HLA-DPB1: variants seen among roughly 807,000 people sequenced by gnomAD.
HLA-DPB1 encodes major histocompatibility complex, class II, DP beta 1.
In HLA-DPB1, 30 loss-of-function variants were observed where a neutral mutation model predicts 29.4. The ratio of observed to expected loss-of-function variants is 1.02; its 90% CI spans 0.76 to 1.38. The LOEUF is 1.38. Ranked by LOEUF, HLA-DPB1 falls within the 40% of genes most tolerant of loss-of-function variation. HLA-DPB1 has a pLI of 0.00. For missense variants in HLA-DPB1, 261 were observed against 327.5 expected (o/e 0.80, Z 1.57); for synonymous variants, 114 against 134.0 (o/e 0.85, Z 1.03).
intron 5 of HLA-DPB1, 74 bp downstream of exon 5, chr6:33,086,316 C>A: frequency 8.9e-7 from 1 of 1,120,482 alleles, no homozygotes. Context: ...CATTGTAACA[C>A]TGAGGCTCCT....
intron 1 of HLA-DPB1, among the ~76,000 whole-genome samples, chr6:33,078,052 G>A (rs879789952): frequency 5.9e-5 from 9 of 152,044 alleles, no homozygotes; most frequent in African/African-American, 1.2e-4. Context: ...AGGAAGTGAC[G>A]GATGCAGCGC....
At chr6:33,077,673 T>C (rs1019444452) in intron 1 of HLA-DPB1, among the ~76,000 whole-genome samples, 6 of 152,200 alleles carry the variant, frequency 3.9e-5, no homozygotes, top group East Asian at 1.9e-4. Context: ...ACCAACACTC[T>C]GAGAGGAAGG....
chr6:33,080,340 TCCCAGTGAC>T lies in HLA-DPB1; in HGVS notation c.101-327_101-319del. 1.9e-6 allele frequency: 1 copy of T among 513,386 alleles called. No homozygotes were observed. Among genetic ancestry groups the T allele is most frequent in the Admixed American group, 2.5e-5 (1 of 39,870 alleles). 31.8% of individuals were successfully genotyped at this position (513,386 alleles called of 1,614,324 possible). A position where few individuals can be genotyped will look rare whatever the true frequency, so the allele number is the denominator to read the frequency against. ...CAGCTCCTCCCGCCCCTGTTTTTTCTCCCAGTGACCCCACGTGAAACGTCTCCGCCTCCT... is the reference window on the plus strand; with the variant it reads ...CAGCTCCTCCCGCCCCTGTTTTTTCTCCCACGTGAAACGTCTCCGCCTCCT... On this transcript the variant is annotated intron_variant, in intron 1 of 5. Transcript: ENST00000418931. This position sits in a 1 kb window ranked among gnomAD's most constrained non-coding sequence, Gnocchi z 4.3.
At chr6:33,085,452 A>G (rs1354733816) in intron 3 of HLA-DPB1, among the ~76,000 whole-genome samples, 3 of 152,158 alleles carry the variant, frequency 2.0e-5, no homozygotes, top group Non-Finnish European at 4.4e-5. Context: ...CCCCCTTGTC[A>G]GAGAATCTAG....
chr6:33,080,538 C>T lies in HLA-DPB1; in HGVS notation c.101-134C>T. 7.6e-7 allele frequency: 1 copy of T among 1,315,150 alleles called. No homozygotes were observed. The highest frequency in any genetic ancestry group is 1.1e-6 in the Non-Finnish European group (1 of 928,868). 81.5% of individuals were successfully genotyped at this position (1,315,150 alleles called of 1,614,324 possible). A position where few individuals can be genotyped will look rare whatever the true frequency, so the allele number is the denominator to read the frequency against. On this transcript the variant is annotated intron_variant, in intron 1 of 5. Coordinates refer to ENST00000418931, the MANE Select transcript of HLA-DPB1 (RefSeq NM_002121.6). The surrounding 1 kb of genome is among the most constrained non-coding windows in gnomAD (Gnocchi z 4.3). Reference sequence around the variant, plus strand: ...CCGCTTAGGACCACAGAACTCGGTACTAGGAAAACTCCTATTTTAAAATCC... The same window carrying T: ...CCGCTTAGGACCACAGAACTCGGTATTAGGAAAACTCCTATTTTAAAATCC...
In HLA-DPB1 at chr6:33,088,597, A is replaced by G. The variant is rs3128969; in HGVS notation, c.*2063A>G. 0.025 allele frequency among the ~76,000 whole-genome samples: 3,605 copies of G among 146,776 alleles called. 85 individuals carry two copies. The highest frequency in any genetic ancestry group is 0.072 in the African/African-American group (2,742 of 37,946). On this transcript the variant is annotated 3_prime_UTR_variant, in exon 6 of 6. Coordinates refer to ENST00000418931, the MANE Select transcript of HLA-DPB1 (RefSeq NM_002121.6). ...GCAGAGACAGGTCCCAGAGGAGACA[A>G]GAGCTGAGAGACCATCCAAACTGGG...
Position 33,080,773 on chromosome 6 carries a change from G to T in HLA-DPB1, c.202G>T (p.Asp68Tyr), listed in dbSNP as rs77062860. The change falls in exon 2 of 6, where the codon GAC becomes TAC. Residue 68 changes from aspartate (D) to tyrosine (Y), a missense_variant. Transcript: ENST00000418931. The surrounding 1 kb of genome is among the most constrained non-coding windows in gnomAD (Gnocchi z 4.3). Reference sequence around the variant, plus strand: ...CAACCGGGAGGAGTTCGCGCGCTTCGACAGCGACGTGGGGGAGTTCCGGGC... The same window carrying T: ...CAACCGGGAGGAGTTCGCGCGCTTCTACAGCGACGTGGGGGAGTTCCGGGC... ...IYNREEFARF[D>Y]SDVGEFRAVT... 1 of 1,613,554 alleles carries T rather than the reference G, an allele frequency of 6.2e-7. No homozygotes were observed. The highest frequency in any genetic ancestry group is 8.5e-7 in the Non-Finnish European group (1 of 1,179,822).
chr6:33,086,301 C>T (rs1339911486), intron 5 of HLA-DPB1, 59 bp downstream of exon 5: 13 of 1,267,590 alleles, frequency 1.0e-5, no homozygotes, highest in Non-Finnish European at 1.5e-5. Flanking sequence ...TGAGTCCTTT[C>T]TGTGCATTGT....
Position 33,080,794 on chromosome 6 carries a change from C to A in HLA-DPB1, c.223C>A (p.Arg75=). 1 of 1,613,514 alleles carries A rather than the reference C, an allele frequency of 6.2e-7. No homozygotes were observed. Among genetic ancestry groups the A allele is most frequent in the South Asian group, 1.1e-5 (1 of 91,014 alleles). Residue 75 remains arginine, a synonymous_variant, in exon 2 of 6, where the codon CGG becomes AGG. Coordinates refer to ENST00000418931, the MANE Select transcript of HLA-DPB1 (RefSeq NM_002121.6). This position sits in a 1 kb window ranked among gnomAD's most constrained non-coding sequence, Gnocchi z 4.3. ...ARFDSDVGEF[R]AVTELGRPAA... ...CTTCGACAGCGACGTGGGGGAGTTC[C>A]GGGCGGTGACGGAGCTGGGGCGGCC...
chr6:33,079,790 A>G, intron 1 of HLA-DPB1: 1 of 476,086 alleles, frequency 2.1e-6, no homozygotes, highest in South Asian at 1.6e-5. Context: ...GTCATCATGG[A>G]AAGAGTCACC....
In HLA-DPB1 at chr6:33,084,691, C is replaced by T. The variant is rs1240286020; in HGVS notation, c.365-259C>T. Among the ~76,000 whole-genome samples the T allele has an allele frequency of 6.6e-5, 10 of 151,876 alleles. No individual in the cohort carries two copies. The East Asian group carries it at 1.5e-3, about 23-fold the overall frequency. On this transcript the variant is annotated intron_variant, in intron 2 of 5. Coordinates refer to ENST00000418931, the MANE Select transcript of HLA-DPB1 (RefSeq NM_002121.6). Reference sequence around the variant, plus strand: ...GCAGGCACCTATAATCCCAGCTATTCGGGAGGCTGAGGAAGGAGAATTGGT... The same window carrying T: ...GCAGGCACCTATAATCCCAGCTATTTGGGAGGCTGAGGAAGGAGAATTGGT...
intron 2 of HLA-DPB1, among the ~76,000 whole-genome samples, chr6:33,084,725 G>A (rs3128962): frequency 0.12 from 18,006 of 151,210 alleles, 1,272 homozygotes; most frequent in East Asian, 0.23. Flanking sequence ...GTTGAAGCCC[G>A]GAGGTGGAGG....
chr6:33,078,351 C>G (rs1382090159), intron 1 of HLA-DPB1, among the ~76,000 whole-genome samples: 1 of 152,090 alleles, frequency 6.6e-6, no homozygotes, highest in Non-Finnish European at 1.5e-5. Context: ...GTAAAGTGGG[C>G]AGGGCTGATT....
Position 33,087,761 on chromosome 6 carries a change from C to T in HLA-DPB1, c.*1227C>T, listed in dbSNP as rs9277554. On this transcript the variant is annotated 3_prime_UTR_variant, in exon 6 of 6. Transcript: ENST00000418931. ...ATTTCAGGAGAGGTGGGGCTGAAGGCACAGACTTGGGCGTCACTGGCACAG... is the reference window on the plus strand; with the variant it reads ...ATTTCAGGAGAGGTGGGGCTGAAGGTACAGACTTGGGCGTCACTGGCACAG... Among the ~76,000 whole-genome samples, 57,697 of 151,884 alleles carry T rather than the reference C, an allele frequency of 0.38. 12,380 individuals are homozygous for T. The highest frequency in any genetic ancestry group is 0.64 in the East Asian group (3,310 of 5,176).
intron 1 of HLA-DPB1, among the ~76,000 whole-genome samples, chr6:33,077,803 C>T (rs1207633472): frequency 1.3e-5 from 2 of 152,188 alleles, no homozygotes; most frequent in Non-Finnish European, 2.9e-5. Context: ...ATCATGTCAC[C>T]TCCTCATCTT....
At chr6:33,079,648 CA>C (rs548188684) in intron 1 of HLA-DPB1, 43 of 467,002 alleles carry the variant, frequency 9.2e-5, no homozygotes, top group South Asian at 1.5e-4. Flanking sequence ...ACAACAACAA[CA>C]AAAAAAACAT....
At chr6:33,085,739 C>A in intron 3 of HLA-DPB1, 40 bp from the exon 4 acceptor site, 1 of 1,297,456 alleles carries the variant, frequency 7.7e-7, no homozygotes, top group Non-Finnish European at 1.1e-6. Context: ...AGGGATGCAG[C>A]TGGTGGAGGT....
rs9277523 is a variant in HLA-DPB1, at chr6:33,086,578, A to C, written c.*44A>C. 0.21 allele frequency: 108,248 copies of C among 517,134 alleles called. 23,756 individuals are homozygous for C. Among genetic ancestry groups the C allele is most frequent in the African/African-American group, 0.52 (25,738 of 49,164 alleles). 32.0% of individuals were successfully genotyped at this position (517,134 alleles called of 1,614,324 possible). A position where few individuals can be genotyped will look rare whatever the true frequency, so the allele number is the denominator to read the frequency against. On this transcript the variant is annotated 3_prime_UTR_variant, in exon 6 of 6. Coordinates refer to ENST00000418931, the MANE Select transcript of HLA-DPB1 (RefSeq NM_002121.6). ...CTGAAAAGACTATTGTGCCTTAGGAAAAGCATTTGCTGTGTTTCGTTAGCA... is the reference window on the plus strand; with the variant it reads ...CTGAAAAGACTATTGTGCCTTAGGACAAGCATTTGCTGTGTTTCGTTAGCA...
chr6:33,085,368 T>A, intron 3 of HLA-DPB1, 137 bp downstream of exon 3: 2 of 770,140 alleles, frequency 2.6e-6, no homozygotes, highest in Non-Finnish European at 4.1e-6. Context: ...TACCAGCTCC[T>A]GAGCATAGTT....
Sources: gnomAD v4.1 joint callset for allele counts (sites outside exome capture counted in the v4.1 genomes callset) on GRCh38, gnomAD v4.1.1 for gene constraint, Gnocchi (gnomAD v3.1) non-coding constraint, MANE v1.5 for transcripts, NCBI Gene and HGNC (gene_info 2026-07-23, HGNC 2026-07-21) for gene names.